TAF8: variants seen among roughly 807,000 people sequenced by gnomAD.
TAF8 encodes the protein transcription initiation factor TFIID subunit 8.
A neutral mutation model predicts 36.5 loss-of-function variants in TAF8; 47 were observed. That is an observed-to-expected ratio of 1.29 (90% confidence interval 1.02 to 1.64). The LOEUF (loss-of-function observed/expected upper bound fraction) is 1.64, where lower values mean the gene tolerates loss of function less well. Among genes scored for constraint, TAF8 ranks in the 40% most tolerant of loss-of-function variants. The pLI, the probability that TAF8 is intolerant of heterozygous loss-of-function variation, is 0.00. For missense variants in TAF8, 420 were observed against 407.6 expected (o/e 1.03, Z -0.26); for synonymous variants, 175 against 159.5 (o/e 1.10, Z -0.73).
chr6:42,056,083 A>T, intron 4 of TAF8, 69 bp downstream of exon 4: 1 of 1,035,522 alleles, frequency 9.7e-7, no homozygotes, highest in Non-Finnish European at 1.5e-6. Context: ...GTAATTGAAT[A>T]TGGTAGGGAT....
At position 42,081,113 on chromosome 6, in the gene TAF8, T is replaced by C. The variant is rs1765908460; in HGVS notation, c.*3568T>C. On this transcript the variant is annotated 3_prime_UTR_variant, in exon 9 of 9. Transcript: ENST00000372977. ...AGCTTCCACACTTGTCAGTAGCTTG[T>C]TGATTCTGTTTCATCTGTTTCTCCC... is the stretch of plus-strand genomic sequence containing the variant. 2.0e-5 allele frequency: 5 copies of C among 244,386 alleles called. No individual in the cohort carries two copies. The highest frequency in any genetic ancestry group is 2.6e-5 in the Non-Finnish European group (4 of 152,982). 15.1% of individuals were successfully genotyped at this position (244,386 alleles called of 1,614,324 possible). A position where few individuals can be genotyped will look rare whatever the true frequency, so the allele number is the denominator to read the frequency against.
chr6:42,069,156 G>A (rs529649633), intron 7 of TAF8, among the ~76,000 whole-genome samples: 1 of 152,254 alleles, frequency 6.6e-6, no homozygotes, highest in East Asian at 1.9e-4. Flanking sequence ...TAGGGGATGA[G>A]GTCCGAGAGG....
At chr6:42,056,946 T>C (rs1329292069) in intron 4 of TAF8, among the ~76,000 whole-genome samples, 2 of 152,190 alleles carry the variant, frequency 1.3e-5, no homozygotes, top group Non-Finnish European at 2.9e-5. Context: ...TGTTGGCATT[T>C]TTTTAAAAAC....
At chr6:42,072,870 C>G (rs967674456) in intron 7 of TAF8, among the ~76,000 whole-genome samples, 2 of 152,028 alleles carry the variant, frequency 1.3e-5, no homozygotes, top group Non-Finnish European at 2.9e-5. Context: ...CTACAGGCGC[C>G]CGCCACCACG....
intron 7 of TAF8, among the ~76,000 whole-genome samples, chr6:42,074,153 CCA>C (rs1255078759): frequency 6.6e-6 from 1 of 152,120 alleles, no homozygotes; most frequent in Non-Finnish European, 1.5e-5. Context: ...GCAAGAATGA[CCA>C]CAGAGTTTGT....
At chr6:42,062,401 A>G in intron 5 of TAF8, among the ~76,000 whole-genome samples, 1 of 152,046 alleles carries the variant, frequency 6.6e-6, no homozygotes, top group East Asian at 1.9e-4. Flanking sequence ...AAGCTAAATA[A>G]TTTCTTTTAA....
downstream of TAF8, chr6:42,086,647 C>G: frequency 1.3e-6 from 2 of 1,493,478 alleles, no homozygotes; most frequent in Non-Finnish European, 9.1e-7. Context: ...AAGCTGCCCC[C>G]TCTTCCACCA....
In TAF8 at chr6:42,081,168, GGAGT is replaced by G. The variant is rs559902990; in HGVS notation, c.*3625_*3628del. On this transcript the variant is annotated 3_prime_UTR_variant, in exon 9 of 9. Coordinates refer to ENST00000372977, the MANE Select transcript of TAF8 (RefSeq NM_138572.3). The stretch of plus-strand genomic sequence containing the variant: ...TTTGTCCTTTATTTTCTTTCCTCCT[GGAGT>G]GTGTGTGTGTGTGTGTGTGCGTGTG... 0.012 allele frequency: 1,052 copies of G among 90,960 alleles called. 15 individuals carry two copies. The highest frequency in any genetic ancestry group is 0.04 in the African/African-American group (991 of 24,768). The allele number at this position is 90,960 out of a possible 1,614,324, so 5.6% of individuals were successfully genotyped here. A position where few individuals can be genotyped will look rare whatever the true frequency, so the allele number is the denominator to read the frequency against.
At chr6:42,063,908 A>G (rs777718044) in intron 5 of TAF8, 2 of 152,182 alleles carry the variant, frequency 1.3e-5, no homozygotes, top group Non-Finnish European at 1.5e-5. Flanking sequence ...AGCACACGCT[A>G]CCATGCCAGC....
chr6:42,056,098 T>TTAG (rs1454949641), intron 4 of TAF8, 84 bp downstream of exon 4: 1 of 902,100 alleles, frequency 1.1e-6, no homozygotes, highest in Non-Finnish European at 1.9e-6. Context: ...AGGGATTGGA[T>TTAG]TAGTAGCTAC....
In TAF8 at chr6:42,056,825, C is replaced by T. The variant is rs185282213; in HGVS notation, c.365-564C>T. Reference sequence around the variant, plus strand: ...TTTACCATGTTGGCCAAGCTGGTCTCGAACTCCTGACCTCGAGTGATCCGC... The same window carrying T: ...TTTACCATGTTGGCCAAGCTGGTCTTGAACTCCTGACCTCGAGTGATCCGC... On this transcript the variant is annotated intron_variant, in intron 4 of 8. Transcript: ENST00000372977. Among the ~76,000 whole-genome samples the T allele has an allele frequency of 3.2e-4, 48 of 152,266 alleles. No homozygotes were observed. The East Asian group carries it at 7.7e-3, about 24-fold the overall frequency.
At chr6:42,063,253 T>G (rs1173119807) in intron 5 of TAF8, 1 of 151,952 alleles carries the variant, frequency 6.6e-6, no homozygotes, top group Non-Finnish European at 1.5e-5. Flanking sequence ...GCCTCGACCT[T>G]CTAGGCTCAA....
intron 5 of TAF8, among the ~76,000 whole-genome samples, chr6:42,059,251 CG>C (rs1765110563): frequency 6.6e-6 from 1 of 152,038 alleles, no homozygotes; most frequent in Admixed American, 6.6e-5. Flanking sequence ...GGCATGGTGG[CG>C]GGCACCTGTA....
intron 2 of TAF8, among the ~76,000 whole-genome samples, chr6:42,054,482 A>G: frequency 6.6e-6 from 1 of 151,834 alleles, no homozygotes; most frequent in East Asian, 1.9e-4. Context: ...ATAACTCCCC[A>G]TTCTCCCTCC....
Position 42,078,239 on chromosome 6 carries a change from A to G in TAF8, c.*694A>G, listed in dbSNP as rs895115746. The G allele has an allele frequency of 1.0e-6, 1 of 985,386 alleles. No individual in the cohort carries two copies. The highest frequency in any genetic ancestry group is 6.1e-5 in the Admixed American group (1 of 16,266). The allele number at this position is 985,386 out of a possible 1,614,324, so 61.0% of individuals were successfully genotyped here. On this transcript the variant is annotated 3_prime_UTR_variant, in exon 9 of 9. Transcript: ENST00000372977. ...TATGTGGTGGGGCATAGCAGCAGCC[A>G]GTGACTTCGTTCATTATCACAGGAT...
intron 7 of TAF8, among the ~76,000 whole-genome samples, chr6:42,073,781 T>C (rs1410777623): frequency 2.6e-5 from 4 of 152,022 alleles, no homozygotes; most frequent in Non-Finnish European, 5.9e-5. Context: ...AGAGGAGGGA[T>C]GTTTCTGAGC....
At chr6:42,051,673 A>C in intron 2 of TAF8, 160 bp downstream of exon 2, 1 of 726,064 alleles carries the variant, frequency 1.4e-6, no homozygotes. Flanking sequence ...AGAAAACAGC[A>C]CAATGGGCCG....
intron 1 of TAF8, chr6:42,051,156 G>A: frequency 7.7e-7 from 1 of 1,292,606 alleles, no homozygotes; most frequent in Non-Finnish European, 9.9e-7. Flanking sequence ...TTTTAGGTAA[G>A]CGGAGAAGTG....
chr6:42,078,169 C>A lies in TAF8; in HGVS notation c.*624C>A. 1 of 984,392 alleles carries A rather than the reference C, an allele frequency of 1.0e-6. No individual in the cohort carries two copies. The highest frequency in any genetic ancestry group is 1.2e-6 in the Non-Finnish European group (1 of 829,008). The allele number at this position is 984,392 out of a possible 1,614,324, so 61.0% of individuals were successfully genotyped here. A position where few individuals can be genotyped will look rare whatever the true frequency, so the allele number is the denominator to read the frequency against. On this transcript the variant is annotated 3_prime_UTR_variant, in exon 9 of 9. Transcript: ENST00000372977. ...CCTCCCAAAGTGCTGAGATTACAGG[C>A]GTGAGCCACCGCACCCCACCAGAGA... is the stretch of plus-strand genomic sequence containing the variant.
Sources: gnomAD v4.1 joint callset for allele counts (sites outside exome capture counted in the v4.1 genomes callset) on GRCh38, gnomAD v4.1.1 for gene constraint, MANE v1.5 for transcripts, NCBI Gene and HGNC (gene_info 2026-07-23, HGNC 2026-07-21) for gene names.